The following DDHD1 variants were observed in gnomAD, a reference collection of about 807,000 sequenced individuals.
DDHD1 encodes the protein DDHD domain containing 1, also known as phospholipase DDHD1.
A neutral mutation model predicts 96.4 loss-of-function variants in DDHD1; 49 were observed. The observed-to-expected ratio is 0.51, with a 90% CI of 0.40 to 0.64. The LOEUF is 0.64. DDHD1 is among the 30% of genes least tolerant of loss of function. The probability of loss-of-function intolerance (pLI) is 0.00; values close to 1 mark genes in which losing one functional copy is unlikely to be tolerated. For synonymous variants in DDHD1, 442 were observed against 446.5 expected (o/e 0.99, Z 0.13); for missense variants, 1,106 against 1,161.2 (o/e 0.95, Z 0.69).
chr14:53,137,497 C>T (rs1159549044), intron 1 of DDHD1, among the ~76,000 whole-genome samples: 1 of 152,086 alleles, frequency 6.6e-6, no homozygotes, highest in African/African-American at 2.4e-5. Context: ...GAGGCTGAGG[C>T]AGGAGAATCA....
At chr14:53,131,718 A>G (rs1889880566) in intron 1 of DDHD1, among the ~76,000 whole-genome samples, 1 of 152,024 alleles carries the variant, frequency 6.6e-6, no homozygotes, top group Non-Finnish European at 1.5e-5. Context: ...CTTTCTTTCC[A>G]TCCATCTGCT....
At chr14:53,103,346 T>C (rs1378828465) in intron 2 of DDHD1, 15 of 366,752 alleles carry the variant, frequency 4.1e-5, no homozygotes, top group Non-Finnish European at 1.9e-5. Flanking sequence ...TGTCTTGATA[T>C]AACAACAAGG....
chr14:53,074,707 T>C (rs913803401), intron 4 of DDHD1, among the ~76,000 whole-genome samples: 2 of 152,246 alleles, frequency 1.3e-5, no homozygotes, highest in Admixed American at 1.3e-4. Flanking sequence ...TATAGGCTCC[T>C]TTCTCTATTT....
chr14:53,080,852 C>T (rs752561199), intron 4 of DDHD1, among the ~76,000 whole-genome samples: 5 of 151,954 alleles, frequency 3.3e-5, no homozygotes, highest in Non-Finnish European at 7.4e-5. Context: ...CTGCTTCAGC[C>T]TCCCATGTAG....
intron 7 of DDHD1, among the ~76,000 whole-genome samples, chr14:53,061,554 T>C (rs1883558818): frequency 6.6e-6 from 1 of 152,168 alleles, no homozygotes; most frequent in Non-Finnish European, 1.5e-5. Context: ...TAGAGATCTT[T>C]TCATTTCATT....
intron 4 of DDHD1, among the ~76,000 whole-genome samples, chr14:53,089,703 G>C (rs1845767310): frequency 6.6e-6 from 1 of 152,150 alleles, no homozygotes; most frequent in African/African-American, 2.4e-5. Flanking sequence ...TTTAATTCAA[G>C]ATGGATTAAG....
intron 1 of DDHD1, among the ~76,000 whole-genome samples, chr14:53,109,485 T>TA (rs1887947881): frequency 6.6e-6 from 1 of 152,198 alleles, no homozygotes; most frequent in South Asian, 2.1e-4. Context: ...ACCATTGTAA[T>TA]GTGCTATTTC....
At position 53,055,823 on chromosome 14, in the gene DDHD1, A is replaced by T; in HGVS notation, c.2082T>A (p.Pro694=). The change falls in exon 10 of 13, where the codon CCT becomes CCA. Residue 694 remains proline (P), a synonymous_variant. Coordinates refer to ENST00000673822, the MANE Select transcript of DDHD1 (RefSeq NM_001160148.2). ...GAAAGCTTGGCTTCATATGTTCATA[A>T]GGTAAAGGATTTGAAGTATTGTACC... ...IHWYNTSNPL[P]YEHMKPSFLN... 1 of 1,614,064 alleles carries T rather than the reference A, an allele frequency of 6.2e-7. No individual in the cohort carries two copies. Among genetic ancestry groups the T allele is most frequent in the Non-Finnish European group, 8.5e-7 (1 of 1,179,966 alleles).
At chr14:53,130,656 C>A (rs1187144443) in intron 1 of DDHD1, among the ~76,000 whole-genome samples, 2 of 152,240 alleles carry the variant, frequency 1.3e-5, no homozygotes, top group Non-Finnish European at 2.9e-5. Flanking sequence ...ACCTCCTCCC[C>A]CAGGATCTTG....
rs1380335130 is a variant in DDHD1 at position 53,063,196 on chromosome 14, C to CT, written c.1512dup (p.Gly505ArgfsTer21). 4 of 1,612,870 alleles carry CT rather than the reference C, an allele frequency of 2.5e-6. No homozygotes were observed. Among genetic ancestry groups the CT allele is most frequent in the Non-Finnish European group, 3.4e-6 (4 of 1,179,664 alleles). On this transcript the variant is annotated frameshift_variant, in exon 7 of 13. Transcript: ENST00000673822. LOFTEE classifies it high-confidence loss of function. ...AATCGATTCAGCTCTTGCTGAAGGC[C>CT]TTTAACTAGCTGTTTGAAATAAGAA...
intron 6 of DDHD1, among the ~76,000 whole-genome samples, chr14:53,070,855 T>A (rs1481527093): frequency 1.3e-5 from 2 of 152,142 alleles, no homozygotes; most frequent in Non-Finnish European, 2.9e-5. Flanking sequence ...ATACTTAGTT[T>A]TTCAAAGCTT....
At chr14:53,059,211 C>A (rs531247264) in intron 8 of DDHD1, among the ~76,000 whole-genome samples, 2 of 152,138 alleles carry the variant, frequency 1.3e-5, no homozygotes, top group South Asian at 4.2e-4. Flanking sequence ...GAACTAAAGC[C>A]AAGGTGGGAA....
At chr14:53,072,024 T>C (rs1367176859) in intron 6 of DDHD1, among the ~76,000 whole-genome samples, 3 of 152,132 alleles carry the variant, frequency 2.0e-5, no homozygotes, top group African/African-American at 2.4e-5. Flanking sequence ...CACAGGATTT[T>C]TTAAAATAAG....
chr14:53,053,473 T>C (rs76349108), intron 11 of DDHD1: 9 of 152,104 alleles, frequency 5.9e-5, no homozygotes, highest in Admixed American at 6.6e-5. Context: ...TAATAATTCA[T>C]CCTGGAGTGG....
At chr14:53,049,886 C>A (rs1882385617) in intron 12 of DDHD1, among the ~76,000 whole-genome samples, 1 of 152,108 alleles carries the variant, frequency 6.6e-6, no homozygotes, top group Admixed American at 6.5e-5. Context: ...CATACATAGG[C>A]ATATTTCTTT....
chr14:53,141,190 G>A (rs1890615690), intron 1 of DDHD1, among the ~76,000 whole-genome samples: 1 of 152,158 alleles, frequency 6.6e-6, no homozygotes, highest in Admixed American at 6.6e-5. Context: ...AAATTAGAAG[G>A]ACAGAGTGGC....
chr14:53,139,075 GAAA>G (rs768005875), intron 1 of DDHD1, among the ~76,000 whole-genome samples: 2 of 58,740 alleles, frequency 3.4e-5, no homozygotes, highest in African/African-American at 6.7e-5. Flanking sequence ...TAATAGGAGA[GAAA>G]AAAAAAAAAA....
intron 6 of DDHD1, among the ~76,000 whole-genome samples, chr14:53,069,265 A>G (rs1454932353): frequency 6.6e-6 from 1 of 152,194 alleles, no homozygotes; most frequent in African/African-American, 2.4e-5. Context: ...TCTGGGTGCT[A>G]GGTGTGCTCA....
chr14:53,134,980 C>T (rs1300907585), intron 1 of DDHD1, among the ~76,000 whole-genome samples: 1 of 152,172 alleles, frequency 6.6e-6, no homozygotes, highest in Non-Finnish European at 1.5e-5. Context: ...ACTATAGGTT[C>T]CCACGCTGCC....
Sources: gnomAD v4.1 joint callset for allele counts (sites outside exome capture counted in the v4.1 genomes callset) on GRCh38, gnomAD v4.1.1 for gene constraint, MANE v1.5 for transcripts, NCBI Gene and HGNC (gene_info 2026-07-23, HGNC 2026-07-21) for gene names.